Variants in GUF1 observed in about 807,000 individuals in gnomAD.
GUF1 encodes GTP binding elongation factor GUF1.
A neutral mutation model predicts 82.4 loss-of-function variants in GUF1; 78 were observed. The ratio of observed to expected loss-of-function variants is 0.95; its 90% CI spans 0.79 to 1.14. The LOEUF is 1.14. Among genes scored for constraint, GUF1 ranks in the 50% most tolerant of loss-of-function variants. The probability of loss-of-function intolerance (pLI) is 0.00; values close to 1 mark genes in which losing one functional copy is unlikely to be tolerated. For missense variants in GUF1, 814 were observed against 798.2 expected (o/e 1.02, Z -0.24); for synonymous variants, 279 against 282.3 (o/e 0.99, Z 0.12).
chr4:44,698,864 C>G lies in GUF1; in HGVS notation c.*183C>G. On this transcript the variant is annotated 3_prime_UTR_variant, in exon 17 of 17. Coordinates refer to ENST00000281543, the MANE Select transcript of GUF1 (RefSeq NM_021927.3). ...ATTTTGAAGCCATGTTGCCTGTTCTCAAATATCTGTTCCAACCACTCACTA... is the reference window on the plus strand; with the variant it reads ...ATTTTGAAGCCATGTTGCCTGTTCTGAAATATCTGTTCCAACCACTCACTA... 1 of 557,120 alleles carries G rather than the reference C, an allele frequency of 1.8e-6. No homozygotes were observed. The highest frequency in any genetic ancestry group is 3.1e-6 in the Non-Finnish European group (1 of 317,486). 34.5% of individuals were successfully genotyped at this position (557,120 alleles called of 1,614,324 possible).
At position 44,678,655 on chromosome 4, in the gene GUF1, C is replaced by A; in HGVS notation, c.33C>A (p.Cys11Ter). 1.3e-6 allele frequency: 2 copies of A among 1,484,936 alleles called. No homozygotes were observed. The highest frequency in any genetic ancestry group is 1.4e-5 in the South Asian group (1 of 69,314). The allele number at this position is 1,484,936 out of a possible 1,614,324, so 92.0% of individuals were successfully genotyped here. A position where few individuals can be genotyped will look rare whatever the true frequency, so the allele number is the denominator to read the frequency against. The stretch of plus-strand genomic sequence containing the variant: ...CCCTCGTGGGTCGGGGCTGGGGGTG[C>A]GCACGCGCTCTCGCGCCACGAGCCA... The part of the protein sequence containing the change: MWTLVGRGWG[C>*]ARALAPRATG... Residue 11 changes from cysteine (C) to a stop codon, truncating the protein, a stop_gained, in exon 1 of 17, where the codon TGC becomes TGA. Coordinates refer to ENST00000281543, the MANE Select transcript of GUF1 (RefSeq NM_021927.3). LOFTEE classifies it high-confidence loss of function.
intron 1 of GUF1, among the ~76,000 whole-genome samples, chr4:44,679,073 C>A (rs944682333): frequency 1.3e-5 from 2 of 152,186 alleles, no homozygotes; most frequent in Non-Finnish European, 2.9e-5. Context: ...GTTTATTCAT[C>A]TATTTAATTC....
chr4:44,692,014 TCTAA>T (rs1471757240), intron 13 of GUF1, among the ~76,000 whole-genome samples: 3 of 151,868 alleles, frequency 2.0e-5, no homozygotes, highest in Non-Finnish European at 4.4e-5. Context: ...TGATTTATTA[TCTAA>T]CTTTTATTTC....
Position 44,699,794 on chromosome 4 carries a change from A to G in GUF1, c.*1113A>G, listed in dbSNP as rs1716104799. 1 of 152,250 alleles carries G rather than the reference A, an allele frequency of 6.6e-6. No individual in the cohort carries two copies. The highest frequency in any genetic ancestry group is 6.5e-5 in the Admixed American group (1 of 15,284). 9.4% of individuals were successfully genotyped at this position (152,250 alleles called of 1,614,324 possible). On this transcript the variant is annotated 3_prime_UTR_variant, in exon 17 of 17. Coordinates refer to ENST00000281543, the MANE Select transcript of GUF1 (RefSeq NM_021927.3). ...GTTTGAAACTAAATGGTTTACATCT[A>G]AATTAAGGGCAGGAGCTGTCTTTCA...
At position 44,686,570 on chromosome 4, in the gene GUF1, G is replaced by A; in HGVS notation, c.795G>A (p.Gln265=). 6.2e-7 allele frequency: 1 copy of A among 1,612,554 alleles called. No individual in the cohort carries two copies. The highest frequency in any genetic ancestry group is 2.2e-5 in the East Asian group (1 of 44,766). ...RALVFDSTFD[Q]YRGVIANVAL... ...TGGTATTTGACTCCACCTTTGACCAGTATAGAGGTGTGATAGCCAATGTAG... is the reference window on the plus strand; with the variant it reads ...TGGTATTTGACTCCACCTTTGACCAATATAGAGGTGTGATAGCCAATGTAG... Residue 265 remains glutamine (Q), a synonymous_variant, in exon 8 of 17, where the codon CAG becomes CAA. Coordinates refer to ENST00000281543, the MANE Select transcript of GUF1 (RefSeq NM_021927.3).
At chr4:44,693,767 C>T (rs776750352) in intron 13 of GUF1, among the ~76,000 whole-genome samples, 1 of 152,076 alleles carries the variant, frequency 6.6e-6, no homozygotes, top group African/African-American at 2.4e-5. Context: ...ACTAACATTA[C>T]AAGCTTTGAC....
Position 44,691,519 on chromosome 4 carries a change from C to T in GUF1, c.1480-147C>T, listed in dbSNP as rs561702891. 5.5e-6 allele frequency: 3 copies of T among 548,208 alleles called. No homozygotes were observed. The East Asian group carries it at 1.0e-4, about 19-fold the overall frequency. 34.0% of individuals were successfully genotyped at this position (548,208 alleles called of 1,614,324 possible). On this transcript the variant is annotated intron_variant, in intron 12 of 16. Coordinates refer to ENST00000281543, the MANE Select transcript of GUF1 (RefSeq NM_021927.3). ...AGATAAAGATTAAAAGCTTTGGTAG[C>T]AAGCCTAATGCAATTGAAATATAAA...
intron 16 of GUF1, 51 bp downstream of exon 16, chr4:44,697,495 A>C: frequency 1.1e-6 from 1 of 938,468 alleles, no homozygotes; most frequent in Non-Finnish European, 1.7e-6. Flanking sequence ...TGGGCTTTAA[A>C]TCAAAGGGGG....
In GUF1 at chr4:44,678,442, C is replaced by T. The variant is rs1714548749; in HGVS notation, c.-181C>T. ...TGCAGACGTCGGCAAGCTGCGCCGC[C>T]GCTTCGGGTTGCTTCCGGATCTGGT... On this transcript the variant is annotated 5_prime_UTR_variant, in exon 1 of 17. Transcript: ENST00000281543. 3 of 507,068 alleles carry T rather than the reference C, an allele frequency of 5.9e-6. No individual in the cohort carries two copies. Among genetic ancestry groups the T allele is most frequent in the African/African-American group, 2.0e-5 (1 of 49,792 alleles). The allele number at this position is 507,068 out of a possible 1,614,324, so 31.4% of individuals were successfully genotyped here. A position where few individuals can be genotyped will look rare whatever the true frequency, so the allele number is the denominator to read the frequency against.
rs542770593 is a variant in GUF1 at position 44,688,827 on chromosome 4, A to G, written c.1079-459A>G. Among the ~76,000 whole-genome samples the G allele has an allele frequency of 6.4e-4, 97 of 152,078 alleles. No homozygotes were observed. In the Middle Eastern group the frequency reaches 0.01, roughly 16 times the overall value. On this transcript the variant is annotated intron_variant, in intron 9 of 16. Transcript: ENST00000281543. ...CCCATAGTTTTTGTCAGTAAATACC[A>G]AAAAGCAAAATTTAACTATGGTTTT...
chr4:44,697,642 T>C (rs1002564001), intron 16 of GUF1, among the ~76,000 whole-genome samples, 198 bp downstream of exon 16: 3 of 152,158 alleles, frequency 2.0e-5, no homozygotes, highest in African/African-American at 7.2e-5. Flanking sequence ...TTTCATCTTA[T>C]TTATAAAAAT....
At chr4:44,698,359 G>A (rs1715978470) in intron 16 of GUF1, among the ~76,000 whole-genome samples, 185 bp from the exon 17 acceptor site, 1 of 151,962 alleles carries the variant, frequency 6.6e-6, no homozygotes, top group Non-Finnish European at 1.5e-5. Flanking sequence ...CCTCCATCCA[G>A]ATTAAATCCT....
At position 44,683,099 on chromosome 4, in the gene GUF1, T is replaced by TA. The variant is rs542413365; in HGVS notation, c.586-135dup. 118 of 521,596 alleles carry TA rather than the reference T, an allele frequency of 2.3e-4. 1 individual carries two copies. In the South Asian group the frequency reaches 3.3e-3, roughly 15 times the overall value. 32.3% of individuals were successfully genotyped at this position (521,596 alleles called of 1,614,324 possible). On this transcript the variant is annotated intron_variant, in intron 5 of 16. Coordinates refer to ENST00000281543, the MANE Select transcript of GUF1 (RefSeq NM_021927.3). The stretch of plus-strand genomic sequence containing the variant: ...TATACTGCTAATATATAGATTATTT[T>TA]ACTGCTTTTGAAAAAATATTGTAGA...
intron 7 of GUF1, 130 bp from the exon 8 acceptor site, chr4:44,686,379 GT>G (rs1715050889): frequency 4.0e-6 from 2 of 504,866 alleles, no homozygotes; most frequent in Non-Finnish European, 6.8e-6. Flanking sequence ...TTATAAAAAG[GT>G]CTTTTTATTT....
chr4:44,695,842 T>C, intron 15 of GUF1, 108 bp downstream of exon 15: 1 of 1,107,986 alleles, frequency 9.0e-7, no homozygotes, highest in South Asian at 1.5e-5. Flanking sequence ...GCTTTCTTAC[T>C]TGTAGAAACA....
chr4:44,682,187 AG>A, intron 4 of GUF1, 146 bp from the exon 5 acceptor site: 1 of 424,372 alleles, frequency 2.4e-6, no homozygotes, highest in Non-Finnish European at 4.4e-6. Context: ...AAAAGCATGA[AG>A]GGTAGCTACA....
chr4:44,683,462 T>G lies in GUF1; in HGVS notation c.669+144T>G, dbSNP rs1193268386. ...CTTCTTTTACTATTATTTCCTTTGA[T>G]CCTTATCAAAAGCCCTTTTTATATT... On this transcript the variant is annotated intron_variant, in intron 6 of 16. Transcript: ENST00000281543. 1.5e-5 allele frequency: 8 copies of G among 543,696 alleles called. No homozygotes were observed. In the Admixed American group the frequency reaches 3.3e-4, roughly 22 times the overall value. 33.7% of individuals were successfully genotyped at this position (543,696 alleles called of 1,614,324 possible).
In GUF1 at chr4:44,694,658, T is replaced by C. The variant is rs1577780500; in HGVS notation, c.1715+145T>C. On this transcript the variant is annotated intron_variant, in intron 14 of 16. Transcript: ENST00000281543. The stretch of plus-strand genomic sequence containing the variant: ...TACTAACTTTGCTTTCTCTTTTTTT[T>C]CCACACTTCTCTCTAGACTGCTAAA... The C allele has an allele frequency of 6.9e-5, 41 of 594,744 alleles. No homozygotes were observed. In the East Asian group the frequency reaches 1.0e-3, roughly 15 times the overall value. 36.8% of individuals were successfully genotyped at this position (594,744 alleles called of 1,614,324 possible). A position where few individuals can be genotyped will look rare whatever the true frequency, so the allele number is the denominator to read the frequency against.
At position 44,688,721 on chromosome 4, in the gene GUF1, A is replaced by ACCC. The variant is rs745595440; in HGVS notation, c.1079-563_1079-561dup. On this transcript the variant is annotated intron_variant, in intron 9 of 16. Transcript: ENST00000281543. ...TCACTGGGAATTAGGAACTTTGTTT[A>ACCC]CCCCTACCTTTAGGCAAAGTCAGTC... is the stretch of plus-strand genomic sequence containing the variant. 1.4e-4 allele frequency among the ~76,000 whole-genome samples: 22 copies of ACCC among 152,020 alleles called. No homozygotes were observed. The East Asian group carries it at 3.1e-3, about 21-fold the overall frequency.
Sources: allele counts gnomAD v4.1 joint callset (sites outside exome capture counted in the v4.1 genomes callset), GRCh38; gene constraint gnomAD v4.1.1; transcripts MANE v1.5; gene names NCBI Gene and HGNC (gene_info 2026-07-23, HGNC 2026-07-21).